Variants in YAF2 observed in about 807,000 individuals in gnomAD.
YAF2 encodes YY1-associated factor 2.
Under a neutral mutation model 20.1 loss-of-function variants are expected in YAF2, and 7 were observed. That is an observed-to-expected ratio of 0.35 (90% confidence interval 0.20 to 0.65). YAF2 has a LOEUF of 0.65. Ranked by LOEUF, YAF2 falls within the 30% of genes least tolerant of loss-of-function variation. The pLI is 0.69. For missense variants in YAF2, 151 were observed against 219.2 expected, an observed-to-expected ratio of 0.69 and a Z score of 1.96; for synonymous variants, 74 against 76.0, an observed-to-expected ratio of 0.97 and a Z score of 0.14.
At chr12:42,198,320 T>C (rs548850480) in intron 2 of YAF2, among the ~76,000 whole-genome samples, 2 of 152,326 alleles carry the variant, frequency 1.3e-5, no homozygotes, top group East Asian at 1.9e-4. Flanking sequence ...CAGTGGCTCA[T>C]GCCTATAATC....
chr12:42,198,565 A>T (rs2066815299), intron 2 of YAF2, among the ~76,000 whole-genome samples: 1 of 152,160 alleles, frequency 6.6e-6, no homozygotes, highest in Non-Finnish European at 1.5e-5. Flanking sequence ...CAGCCTGGGC[A>T]ATACAGCGAG....
rs1199555208 is a variant in YAF2, at chr12:42,159,695, T to C, written c.*894A>G. ...ATACTTCTATGGCCCTGGATAAGTT[T>C]GGGACAAGAAAACAATGATAAAACT... On this transcript the variant is annotated 3_prime_UTR_variant, in exon 4 of 4. Transcript: ENST00000534854. 6.6e-6 allele frequency: 1 copy of C among 152,448 alleles called. No homozygotes were observed. The highest frequency in any genetic ancestry group is 1.5e-5 in the Non-Finnish European group (1 of 67,950). The allele number at this position is 152,448 out of a possible 1,614,324, so 9.4% of individuals were successfully genotyped here.
At chr12:42,210,651 T>C (rs995591104) in intron 2 of YAF2, 8 of 1,535,882 alleles carry the variant, frequency 5.2e-6, no homozygotes, top group Non-Finnish European at 7.0e-6. Flanking sequence ...AGAACTCCAG[T>C]TACTGGTAAG....
intron 2 of YAF2, among the ~76,000 whole-genome samples, chr12:42,195,161 G>A (rs1565622685): frequency 6.6e-6 from 1 of 152,120 alleles, no homozygotes; most frequent in Admixed American, 6.6e-5. Flanking sequence ...AAGAAATCTA[G>A]AGAGAGAGAA....
At chr12:42,205,376 CTCTTT>C (rs1175811465) in intron 2 of YAF2, among the ~76,000 whole-genome samples, 1 of 146,818 alleles carries the variant, frequency 6.8e-6, no homozygotes, top group African/African-American at 2.7e-5. Context: ...GCTGCTTCTT[CTCTTT>C]TTTTTTTTTT....
rs1046455916 is a variant in YAF2, at chr12:42,158,240, G to A, written c.*2349C>T. ...CTTAATTCATTTCTCCAATCTCATA[G>A]TGCACACCCACCAGGTTCTTTAATT... is the stretch of plus-strand genomic sequence containing the variant. On this transcript the variant is annotated 3_prime_UTR_variant, in exon 4 of 4. Coordinates refer to ENST00000534854, the MANE Select transcript of YAF2 (RefSeq NM_005748.6). The A allele has an allele frequency of 1.3e-5, 2 of 152,092 alleles. No homozygotes were observed. The highest frequency in any genetic ancestry group is 2.9e-5 in the Non-Finnish European group (2 of 68,016). 9.4% of individuals were successfully genotyped at this position (152,092 alleles called of 1,614,324 possible). A position where few individuals can be genotyped will look rare whatever the true frequency, so the allele number is the denominator to read the frequency against.
At chr12:42,165,748 GA>G (rs1289877364) in intron 2 of YAF2, among the ~76,000 whole-genome samples, 1 of 144,086 alleles carries the variant, frequency 6.9e-6, no homozygotes, top group Non-Finnish European at 1.5e-5. Context: ...TGGGATTACA[GA>G]TGTGAGCTGC....
intron 2 of YAF2, chr12:42,210,717 A>G (rs1246557358): frequency 3.3e-6 from 5 of 1,513,590 alleles, no homozygotes; most frequent in Non-Finnish European, 4.4e-6. Context: ...TTTATTTGAG[A>G]TTATTATCAC....
intron 2 of YAF2, among the ~76,000 whole-genome samples, chr12:42,200,634 T>C (rs1236971227): frequency 1.3e-5 from 2 of 152,210 alleles, no homozygotes; most frequent in African/African-American, 4.8e-5. Flanking sequence ...ATAAAGCTAG[T>C]TTCCTTTCAC....
chr12:42,179,604 C>T (rs1480332980), intron 2 of YAF2, among the ~76,000 whole-genome samples: 2 of 151,926 alleles, frequency 1.3e-5, no homozygotes, highest in Non-Finnish European at 2.9e-5. Flanking sequence ...AGCCTAGTAA[C>T]ATGGTGAAAC....
At chr12:42,221,737 T>TAC (rs2067521128) in intron 2 of YAF2, among the ~76,000 whole-genome samples, 1 of 152,156 alleles carries the variant, frequency 6.6e-6, no homozygotes, top group East Asian at 1.9e-4. Context: ...TGCTAAATAT[T>TAC]ATGTTAGTTC....
At chr12:42,182,903 T>C (rs528377873) in intron 2 of YAF2, among the ~76,000 whole-genome samples, 144 of 152,296 alleles carry the variant, frequency 9.5e-4, no homozygotes, top group African/African-American at 3.3e-3. Flanking sequence ...TCTCATTTTA[T>C]TGTGCATTAC....
In YAF2 at chr12:42,157,783, T is replaced by C. The variant is rs934956351; in HGVS notation, c.*2806A>G. On this transcript the variant is annotated 3_prime_UTR_variant, in exon 4 of 4. Transcript: ENST00000534854. The stretch of plus-strand genomic sequence containing the variant: ...TATATTCACTTTTTAAATATACATA[T>C]ATATATATATGTATATTCAAATTTT... The C allele has an allele frequency of 2.0e-5, 3 of 151,538 alleles. No individual in the cohort carries two copies. Among genetic ancestry groups the C allele is most frequent in the African/African-American group, 7.3e-5 (3 of 41,270 alleles). 9.4% of individuals were successfully genotyped at this position (151,538 alleles called of 1,614,324 possible).
intron 2 of YAF2, among the ~76,000 whole-genome samples, chr12:42,193,957 A>G (rs1297656069): frequency 6.6e-6 from 1 of 152,208 alleles, no homozygotes; most frequent in Admixed American, 6.5e-5. Context: ...CATTTTTAAC[A>G]AACAGTTTAA....
chr12:42,236,078 CAAT>C, intron 2 of YAF2: 1 of 1,488,522 alleles, frequency 6.7e-7, no homozygotes, highest in East Asian at 2.5e-5. Context: ...CAACAAAAAG[CAAT>C]AATATATAGT....
intron 2 of YAF2, among the ~76,000 whole-genome samples, chr12:42,230,602 T>C (rs995554355): frequency 1.3e-5 from 2 of 152,184 alleles, no homozygotes; most frequent in Non-Finnish European, 2.9e-5. Flanking sequence ...AGAAGTGATA[T>C]GGGCTTCTGA....
intron 2 of YAF2, among the ~76,000 whole-genome samples, chr12:42,185,589 A>G (rs1455779928): frequency 6.6e-6 from 1 of 152,216 alleles, no homozygotes. Context: ...CCAACCTTCA[A>G]CAATCACCAA....
chr12:42,176,948 C>A (rs904537663), intron 2 of YAF2, among the ~76,000 whole-genome samples: 3 of 152,164 alleles, frequency 2.0e-5, no homozygotes, highest in African/African-American at 7.2e-5. Context: ...GCCTGGGCAA[C>A]AAAAGCAAAA....
At chr12:42,208,905 C>A (rs1451696161) in intron 2 of YAF2, among the ~76,000 whole-genome samples, 2 of 152,188 alleles carry the variant, frequency 1.3e-5, no homozygotes, top group Non-Finnish European at 2.9e-5. Context: ...AAGTATCCAG[C>A]AAACGGATGA....
Sources: gnomAD v4.1 joint callset for allele counts (sites outside exome capture counted in the v4.1 genomes callset) on GRCh38, gnomAD v4.1.1 for gene constraint, MANE v1.5 for transcripts, NCBI Gene and HGNC (gene_info 2026-07-23, HGNC 2026-07-21) for gene names.